AVEN: variants seen among roughly 807,000 people sequenced by gnomAD.
AVEN encodes apoptosis and caspase activation inhibitor, also known as cell death regulator Aven.
A neutral mutation model predicts 38.1 loss-of-function variants in AVEN; 41 were observed. That is an observed-to-expected ratio of 1.08 (90% CI 0.84 to 1.40). AVEN has a LOEUF of 1.40. Ranked by LOEUF, AVEN falls within the 40% of genes most tolerant of loss-of-function variation. The pLI, the probability that AVEN is intolerant of heterozygous loss-of-function variation, is 0.00. For missense variants in AVEN, 605 were observed against 438.8 expected, an observed-to-expected ratio of 1.38 and a Z score of -3.38; for synonymous variants, 206 against 171.8, an observed-to-expected ratio of 1.20 and a Z score of -1.56.
rs543608416 is a variant in AVEN, at chr15:33,979,966, C to T, written c.445+23066G>A. On this transcript the variant is annotated intron_variant, in intron 2 of 5. Transcript: ENST00000306730. The stretch of plus-strand genomic sequence containing the variant: ...TGTTCTAGCTATGAATTTGTTAAAT[C>T]TCTGGTTTCTGGGTTTTAAAAAATA... Among the ~76,000 whole-genome samples, 174 of 152,274 alleles carry T rather than the reference C, an allele frequency of 1.1e-3. 4 individuals carry two copies. The highest frequency in any genetic ancestry group is 3.4e-3 in the Middle Eastern group (1 of 294).
intron 5 of AVEN, among the ~76,000 whole-genome samples, chr15:34,057,712 G>A (rs892264209): frequency 3.3e-5 from 5 of 152,146 alleles, no homozygotes; most frequent in African/African-American, 9.7e-5. Flanking sequence ...CAGGAGGATC[G>A]CTTGAGGCCA....
In AVEN at chr15:33,866,645, G is replaced by A. The variant is rs763156804; in HGVS notation, c.1057C>T (p.Leu353=). 4 of 1,613,814 alleles carry A rather than the reference G, an allele frequency of 2.5e-6. No homozygotes were observed. Among genetic ancestry groups the A allele is most frequent in the Non-Finnish European group, 3.4e-6 (4 of 1,179,888 alleles). Residue 353 remains leucine, a synonymous_variant, in exon 6 of 6, where the codon CTG becomes TTG. Coordinates refer to ENST00000306730, the MANE Select transcript of AVEN (RefSeq NM_020371.3). ...ATCATGCTGTCCAACCAGTCTTCCA[G>A]CTCTTCCTCGGTAACATTTTTGGAG... is the stretch of plus-strand genomic sequence containing the variant. The part of the protein sequence containing the change: ...STSKNVTEEE[L]EDWLDSMIS
intron 5 of AVEN, among the ~76,000 whole-genome samples, chr15:34,061,426 T>G (rs543324858): frequency 6.6e-6 from 1 of 152,350 alleles, no homozygotes; most frequent in African/African-American, 2.4e-5. Flanking sequence ...GATAATTCAT[T>G]TGTTAAGTAA....
At chr15:34,029,522 A>G (rs1163070714) in intron 1 of AVEN, among the ~76,000 whole-genome samples, 1 of 83,562 alleles carries the variant, frequency 1.2e-5, no homozygotes, top group Non-Finnish European at 2.7e-5. Flanking sequence ...TTCTACAAAA[A>G]AAAAAAAAAA....
chr15:34,008,758 G>A (rs1281514173), intron 1 of AVEN, among the ~76,000 whole-genome samples: 1 of 152,012 alleles, frequency 6.6e-6, no homozygotes, highest in Non-Finnish European at 1.5e-5. Context: ...AAAGTGATGG[G>A]ATTACAGGCG....
At chr15:33,856,452 C>T (rs1306229161), downstream of AVEN, 1 of 152,264 alleles carries the variant, frequency 6.6e-6, no homozygotes, top group African/African-American at 2.4e-5. Flanking sequence ...TGAACTCTCA[C>T]TCCTAAAGCC....
rs750903481 is a variant in AVEN at position 34,003,012 on chromosome 15, C to G, written c.445+20G>C. ...AACTTTCAGAGCACTAAACAGTATG[C>G]ATGCAACTGGAATTCATACCTGCAG... On this transcript the variant is annotated intron_variant, in intron 2 of 5. Transcript: ENST00000306730. The G allele has an allele frequency of 1.3e-6, 2 of 1,598,012 alleles. No individual in the cohort carries two copies. The highest frequency in any genetic ancestry group is 2.7e-5 in the African/African-American group (2 of 73,918).
chr15:33,956,633 A>T (rs1894963965), intron 2 of AVEN, among the ~76,000 whole-genome samples: 1 of 152,186 alleles, frequency 6.6e-6, no homozygotes, highest in East Asian at 1.9e-4. Context: ...GGCCTTGGTT[A>T]TGGTGGGTTT....
chr15:33,981,047 T>A lies in AVEN; in HGVS notation c.445+21985A>T, dbSNP rs1896117848. Among the ~76,000 whole-genome samples, 3 of 151,518 alleles carry A rather than the reference T, an allele frequency of 2.0e-5. No homozygotes were observed. In the South Asian group the frequency reaches 6.3e-4, roughly 32 times the overall value. On this transcript the variant is annotated intron_variant, in intron 2 of 5. Coordinates refer to ENST00000306730, the MANE Select transcript of AVEN (RefSeq NM_020371.3). ...TGTGACTTGCTGAGGTCACACTGAG[T>A]TTTTATATAAACATACAATCACAAC...
intron 2 of AVEN, among the ~76,000 whole-genome samples, chr15:33,954,302 G>A: frequency 6.6e-6 from 1 of 152,146 alleles, no homozygotes; most frequent in Non-Finnish European, 1.5e-5. Flanking sequence ...CCATTACTGG[G>A]TATATACCCA....
At chr15:33,858,956 C>G (rs565694783) in exon 12 of AVEN, 2 of 152,818 alleles carry the variant, frequency 1.3e-5, no homozygotes, top group African/African-American at 4.8e-5. Context: ...ACTGGCATGA[C>G]CAGCGTGTCT....
At chr15:33,883,353 T>A (rs1298764442) in intron 2 of AVEN, among the ~76,000 whole-genome samples, 1 of 152,180 alleles carries the variant, frequency 6.6e-6, no homozygotes, top group Non-Finnish European at 1.5e-5. Context: ...TAATTTGAGT[T>A]TTTTTCTTGT....
intron 4 of AVEN, among the ~76,000 whole-genome samples, chr15:33,870,270 G>A (rs1890882363): frequency 6.6e-6 from 1 of 152,060 alleles, no homozygotes; most frequent in Non-Finnish European, 1.5e-5. Flanking sequence ...TCCCTCACCT[G>A]CTCTGTGCAT....
intron 5 of AVEN, among the ~76,000 whole-genome samples, chr15:34,049,214 T>C (rs1204798741): frequency 6.6e-6 from 1 of 152,144 alleles, no homozygotes; most frequent in Non-Finnish European, 1.5e-5. Flanking sequence ...GATGGCTGAA[T>C]TGACAGAACT....
intron 2 of AVEN, among the ~76,000 whole-genome samples, chr15:33,944,017 AACC>A (rs1894417086): frequency 6.6e-6 from 1 of 152,054 alleles, no homozygotes; most frequent in Admixed American, 6.6e-5. Context: ...TACACGCATG[AACC>A]ACCACACCTG....
chr15:34,054,409 C>T (rs1567490765), intron 5 of AVEN, among the ~76,000 whole-genome samples: 1 of 152,044 alleles, frequency 6.6e-6, no homozygotes, highest in Non-Finnish European at 1.5e-5. Context: ...TCCACAATAG[C>T]AAAGACATAG....
At chr15:34,073,207 A>ATTTTTTTTTT (rs761265891) in intron 1 of AVEN, among the ~76,000 whole-genome samples, 402 of 111,574 alleles carry the variant, frequency 3.6e-3, no homozygotes, top group African/African-American at 7.8e-3. Context: ...CGCCCGGCTA[A>ATTTTTTTTTT]TTTTTTTTTT....
chr15:34,042,408 T>TC, upstream of AVEN, among the ~76,000 whole-genome samples: 1 of 150,786 alleles, frequency 6.6e-6, no homozygotes, highest in African/African-American at 2.4e-5. Context: ...TTTTTTTTTT[T>TC]TTTTTTTTTG....
In AVEN at chr15:33,895,946, C is replaced by T. The variant is rs191323682; in HGVS notation, c.446-19951G>A. On this transcript the variant is annotated intron_variant, in intron 2 of 5. Coordinates refer to ENST00000306730, the MANE Select transcript of AVEN (RefSeq NM_020371.3). Reference sequence around the variant, plus strand: ...CTGCCCCCTAATTCATGCCTCCTAACGCATAAGGCAGTGGGTAGAGAATTC... The same window carrying T: ...CTGCCCCCTAATTCATGCCTCCTAATGCATAAGGCAGTGGGTAGAGAATTC... Among the ~76,000 whole-genome samples, 16 of 152,230 alleles carry T rather than the reference C, an allele frequency of 1.1e-4. No individual in the cohort carries two copies. The East Asian group carries it at 1.4e-3, about 13-fold the overall frequency.
Sources: gnomAD v4.1 joint callset for allele counts (sites outside exome capture counted in the v4.1 genomes callset) on GRCh38, gnomAD v4.1.1 for gene constraint, MANE v1.5 for transcripts, NCBI Gene and HGNC (gene_info 2026-07-23, HGNC 2026-07-21) for gene names.